FAM131A: variants seen among roughly 807,000 people sequenced by gnomAD.
FAM131A encodes protein FAM131A.
FAM131A carries 24 observed loss-of-function variants against 39.2 expected under a neutral mutation model. The observed-to-expected ratio is 0.61, with a 90% CI of 0.44 to 0.86. FAM131A has a LOEUF of 0.86. Among genes scored for constraint, FAM131A ranks in the 40% least tolerant of loss-of-function variants. FAM131A has a pLI of 0.00. For synonymous variants in FAM131A, 202 were observed against 206.8 expected (o/e 0.98, Z 0.20); for missense variants, 373 against 481.2 (o/e 0.78, Z 2.10).
At position 184,342,976 on chromosome 3, in the gene FAM131A, T is replaced by A. The variant is rs1727452994; in HGVS notation, c.625+116T>A. The A allele has an allele frequency of 1.1e-6, 1 of 894,912 alleles. No homozygotes were observed. 55.4% of individuals were successfully genotyped at this position (894,912 alleles called of 1,614,324 possible). ...TGCAAGGGGAGGGAGAGGGACAGAC[T>A]CAGTCCAGGCAGGCCTGGACACTCC... On this transcript the variant is annotated intron_variant, in intron 5 of 5. Transcript: ENST00000383847. The surrounding 1 kb of genome is among the most constrained non-coding windows in gnomAD (Gnocchi z 4.6).
rs1357245999 is a variant in FAM131A, at chr3:184,344,946, T to G, written c.1077T>G (p.Asp359Glu). ...ASSGVVSLDE[D>E]EAEPEEQ ...CTGGGGTGGTGTCCTTAGATGAGGA[T>G]GAGGCAGAGCCAGAGGAACAGTGAC... is the stretch of plus-strand genomic sequence containing the variant. Residue 359 changes from aspartate (D) to glutamate (E), a missense_variant, in exon 6 of 6, where the codon GAT becomes GAG. Asp to Glu is a conservative substitution (Grantham distance 45). This residue lies in a region of FAM131A where 152 missense variants were observed against 133.5 expected (regional missense o/e 1.14). Coordinates refer to ENST00000383847, the MANE Select transcript of FAM131A (RefSeq NM_144635.5). 7 of 1,585,284 alleles carry G rather than the reference T, an allele frequency of 4.4e-6. No individual in the cohort carries two copies. Among genetic ancestry groups the G allele is most frequent in the Non-Finnish European group, 6.0e-6 (7 of 1,170,008 alleles).
intron 5 of FAM131A, chr3:184,343,088 T>C: frequency 3.2e-6 from 1 of 315,498 alleles, no homozygotes. Flanking sequence ...CTGAGGCTTC[T>C]CTGCCTGTCT....
chr3:184,341,680 A>G lies in FAM131A; in HGVS notation c.232-44A>G, dbSNP rs563236472. On this transcript the variant is annotated intron_variant, in intron 2 of 5. Coordinates refer to ENST00000383847, the MANE Select transcript of FAM131A (RefSeq NM_144635.5). ...GTATGGGCATGTTAGGGGGAAGGTC[A>G]TTGCTGTCAGAGGGGCACTGACTTT... is the stretch of plus-strand genomic sequence containing the variant. 9.0e-6 allele frequency: 14 copies of G among 1,553,926 alleles called. No homozygotes were observed. The East Asian group carries it at 2.5e-4, about 28-fold the overall frequency.
intron 5 of FAM131A, 25 bp from the exon 6 acceptor site, chr3:184,344,470 G>T: frequency 6.6e-7 from 1 of 1,512,820 alleles, no homozygotes; most frequent in East Asian, 2.3e-5. Context: ...CAGCAGGACT[G>T]TCTTCTTTTC....
upstream of FAM131A, chr3:184,337,550 C>T (rs549626607): frequency 8.8e-6 from 12 of 1,356,836 alleles, no homozygotes; most frequent in East Asian, 5.0e-5. Context: ...GCTCAGCATC[C>T]GGAGCCAAAA....
At chr3:184,336,315 C>T (rs1185809837), upstream of FAM131A, among the ~76,000 whole-genome samples, 1 of 152,192 alleles carries the variant, frequency 6.6e-6, no homozygotes, top group Admixed American at 6.5e-5. The surrounding 1 kb of genome is among the most constrained non-coding windows in gnomAD (Gnocchi z 5.5). Flanking sequence ...CGGTTCGCTC[C>T]CACGGCCTGC....
In FAM131A at chr3:184,341,736, GAC is replaced by G; in HGVS notation, c.248_249del (p.Thr83SerfsTer51). The G allele has an allele frequency of 6.2e-7, 1 of 1,608,336 alleles. No individual in the cohort carries two copies. The highest frequency in any genetic ancestry group is 8.5e-7 in the Non-Finnish European group (1 of 1,179,970). ...GGTGTTACCCAAGGTGAATGTTGGA[GAC>G]ACAGTCGCGATGCTGCCCAAGTCCC... The part of the protein sequence containing the change: ...SQDLPEVNVG[D>X]TVAMLPKSRR... On this transcript the variant is annotated frameshift_variant, in exon 3 of 6. Transcript: ENST00000383847. LOFTEE classifies it high-confidence loss of function.
At position 184,345,855 on chromosome 3, in the gene FAM131A, G is replaced by C; in HGVS notation, c.*885G>C. On this transcript the variant is annotated 3_prime_UTR_variant, in exon 6 of 6. Coordinates refer to ENST00000383847, the MANE Select transcript of FAM131A (RefSeq NM_144635.5). ...GAGAGGGCCACAAGAGGGCCACAGG[G>C]GTGGCCGGGAGTTGTCAGCTGATGC... 1 of 492,910 alleles carries C rather than the reference G, an allele frequency of 2.0e-6. No individual in the cohort carries two copies. Among genetic ancestry groups the C allele is most frequent in the Non-Finnish European group, 3.6e-6 (1 of 280,804 alleles). The allele number at this position is 492,910 out of a possible 1,614,324, so 30.5% of individuals were successfully genotyped here. A position where few individuals can be genotyped will look rare whatever the true frequency, so the allele number is the denominator to read the frequency against.
chr3:184,344,593 A>C lies in FAM131A; in HGVS notation c.724A>C (p.Ser242Arg). ...GCGCCAGGGCTCCGTGGAGCCTGAG[A>C]GCGACTGCTCACAGACCGTGTCCCC... ...PVRQGSVEPESDCSQTVSPDT... is the reference protein window; with the variant it reads ...PVRQGSVEPERDCSQTVSPDT... The change falls in exon 6 of 6, where the codon AGC (serine) becomes CGC (arginine). Residue 242 changes from serine to arginine, a missense_variant. Physicochemically the swap from Ser to Arg is moderately radical, Grantham distance 110 (BLOSUM62 -1). Coordinates refer to ENST00000383847, the MANE Select transcript of FAM131A (RefSeq NM_144635.5). The C allele has an allele frequency of 6.2e-7, 1 of 1,612,308 alleles. No individual in the cohort carries two copies. Among genetic ancestry groups the C allele is most frequent in the Non-Finnish European group, 8.5e-7 (1 of 1,179,298 alleles).
At chr3:184,338,732 C>A in intron 2 of FAM131A, 1 of 583,942 alleles carries the variant, frequency 1.7e-6, no homozygotes, top group Non-Finnish European at 2.9e-6. Context: ...TCGCGCCTTC[C>A]GCGCTGACGT....
In FAM131A at chr3:184,341,726, G is replaced by C; in HGVS notation, c.234G>C (p.Val78=). The change falls in exon 3 of 6, where the codon GTG becomes GTC. Residue 78 remains valine, a splice_region_variant and synonymous_variant. Coordinates refer to ENST00000383847, the MANE Select transcript of FAM131A (RefSeq NM_144635.5). ...SSVDSQDLPE[V]NVGDTVAMLP... ...ACTTTCTAATGGTGTTACCCAAGGT[G>C]AATGTTGGAGACACAGTCGCGATGC... The C allele has an allele frequency of 6.2e-7, 1 of 1,606,680 alleles. No homozygotes were observed. The highest frequency in any genetic ancestry group is 1.1e-5 in the South Asian group (1 of 91,056).
At chr3:184,338,242 T>G in intron 1 of FAM131A, 145 bp from the exon 2 acceptor site, 5 of 822,692 alleles carry the variant, frequency 6.1e-6, no homozygotes, top group Non-Finnish European at 8.6e-6. Flanking sequence ...GATGGGGGCT[T>G]TTAGAGTTGA....
intron 2 of FAM131A, chr3:184,339,019 A>AG: frequency 6.3e-6 from 1 of 159,428 alleles, no homozygotes; most frequent in Non-Finnish European, 1.4e-5. Context: ...CCTCAGGTCA[A>AG]GGGGCAGTGT....
rs777265957 is a variant in FAM131A, at chr3:184,344,821, G to C, written c.952G>C (p.Ala318Pro). 6 of 1,611,836 alleles carry C rather than the reference G, an allele frequency of 3.7e-6. No homozygotes were observed. In the South Asian group the frequency reaches 5.5e-5, roughly 15 times the overall value. ...SPLTESCLSPAEEEPAPCKDC... is the reference protein window; with the variant it reads ...SPLTESCLSPPEEEPAPCKDC... ...CCTCACAGAGTCCTGCCTTTCCCCC[G>C]CGGAGGAGGAGCCAGCCCCCTGCAA... Residue 318 changes from alanine (A) to proline (P), a missense_variant, in exon 6 of 6, where the codon GCG (alanine) becomes CCG (proline). Ala to Pro is a conservative substitution (Grantham distance 27). Transcript: ENST00000383847.
chr3:184,336,422 G>T (rs1357046760), upstream of FAM131A, among the ~76,000 whole-genome samples: 2 of 152,178 alleles, frequency 1.3e-5, no homozygotes, highest in Non-Finnish European at 1.5e-5. This position sits in a 1 kb window ranked among gnomAD's most constrained non-coding sequence, Gnocchi z 5.5. Flanking sequence ...CCCGGGAGGG[G>T]CTGGGCAGCC....
At chr3:184,344,395 C>A in intron 5 of FAM131A, 100 bp from the exon 6 acceptor site, 2 of 1,190,058 alleles carry the variant, frequency 1.7e-6, no homozygotes, top group Non-Finnish European at 2.4e-6. Flanking sequence ...CTATCCACCC[C>A]TAGAGCTATG....
chr3:184,343,826 C>A (rs1385279066), intron 5 of FAM131A, among the ~76,000 whole-genome samples: 1 of 152,214 alleles, frequency 6.6e-6, no homozygotes, highest in Non-Finnish European at 1.5e-5. Context: ...CTTTCTCTGG[C>A]AGGCACAGCC....
chr3:184,338,289 G>A, intron 1 of FAM131A, 98 bp from the exon 2 acceptor site: 1 of 1,285,464 alleles, frequency 7.8e-7, no homozygotes, highest in South Asian at 1.8e-5. Flanking sequence ...TCTGGAAGGT[G>A]GGGGAGGGGC....
intron 1 of FAM131A, among the ~76,000 whole-genome samples, chr3:184,338,033 T>G (rs941753697): frequency 6.6e-6 from 1 of 151,472 alleles, no homozygotes; most frequent in Non-Finnish European, 1.5e-5. Flanking sequence ...GTGGCGGTGG[T>G]GGGGGGGACA....
Sources: allele counts gnomAD v4.1 joint callset (sites outside exome capture counted in the v4.1 genomes callset), GRCh38; gene constraint gnomAD v4.1.1; regional missense constraint gnomAD v4.1.1; non-coding constraint Gnocchi (gnomAD v3.1); transcripts MANE v1.5; gene names NCBI Gene and HGNC (gene_info 2026-07-23, HGNC 2026-07-21).